Variants in RABGAP1L observed in about 807,000 individuals in gnomAD.
RABGAP1L encodes RAB GTPase activating protein 1 like.
Under a neutral mutation model 137.7 loss-of-function variants are expected in RABGAP1L, and 63 were observed. The ratio of observed to expected loss-of-function variants is 0.46; its 90% confidence interval spans 0.37 to 0.56. The LOEUF (loss-of-function observed/expected upper bound fraction) is 0.56. RABGAP1L is among the 20% of genes least tolerant of loss of function. RABGAP1L has a pLI of 0.00. For synonymous variants in RABGAP1L, 431 were observed against 433.7 expected, an observed-to-expected ratio of 0.99 and a Z score of 0.08; for missense variants, 1,095 against 1,244.0, an observed-to-expected ratio of 0.88 and a Z score of 1.80.
chr1:174,533,004 G>T (rs1664563366), intron 13 of RABGAP1L, among the ~76,000 whole-genome samples: 1 of 152,224 alleles, frequency 6.6e-6, no homozygotes, highest in Non-Finnish European at 1.5e-5. Context: ...GGAGGCCGAG[G>T]TGGGTGGGTC....
chr1:174,815,376 G>GT (rs1690290342), intron 19 of RABGAP1L, among the ~76,000 whole-genome samples: 1 of 152,198 alleles, frequency 6.6e-6, no homozygotes, highest in South Asian at 2.1e-4. Flanking sequence ...AGGCAAGAAA[G>GT]TTTAACTCCT....
chr1:174,255,255 G>A (rs116636587), intron 7 of RABGAP1L, among the ~76,000 whole-genome samples: 4,651 of 152,124 alleles, frequency 0.031, 78 homozygotes, highest in Middle Eastern at 0.058. Context: ...TGAAGATATC[G>A]TATTTTTGAT....
chr1:174,376,138 AAGAG>A (rs1397880265), intron 12 of RABGAP1L, among the ~76,000 whole-genome samples: 3 of 151,230 alleles, frequency 2.0e-5, no homozygotes, highest in African/African-American at 4.9e-5. Flanking sequence ...GAGATAGAGA[AAGAG>A]AGAAGGAAGG....
chr1:174,354,223 T>C (rs1345116710), intron 11 of RABGAP1L, among the ~76,000 whole-genome samples: 1 of 151,806 alleles, frequency 6.6e-6, no homozygotes, highest in South Asian at 2.1e-4. Context: ...TTTCTTCTCT[T>C]CCACCACTTT....
intron 13 of RABGAP1L, among the ~76,000 whole-genome samples, chr1:174,475,772 TAA>T (rs61597461): frequency 0.028 from 1,954 of 69,892 alleles, 75 homozygotes; most frequent in African/African-American, 0.1. Context: ...CCCCGTGTCT[TAA>T]AAAAAAAAAA....
chr1:174,856,572 T>C (rs1200890554), intron 19 of RABGAP1L, among the ~76,000 whole-genome samples: 1 of 152,016 alleles, frequency 6.6e-6, no homozygotes, highest in Admixed American at 6.6e-5. Context: ...CATCCAAAGG[T>C]CAACCACTGT....
chr1:174,681,438 C>G (rs1678061839), intron 14 of RABGAP1L, among the ~76,000 whole-genome samples: 1 of 152,164 alleles, frequency 6.6e-6, no homozygotes, highest in South Asian at 2.1e-4. Flanking sequence ...GTAAAAGAAG[C>G]TAGACACAAA....
At chr1:174,711,108 G>C (rs899986511) in intron 17 of RABGAP1L, among the ~76,000 whole-genome samples, 2 of 152,152 alleles carry the variant, frequency 1.3e-5, no homozygotes, top group African/African-American at 4.8e-5. Flanking sequence ...GTCTGGGGCC[G>C]GCAGGGCCAG....
intron 13 of RABGAP1L, among the ~76,000 whole-genome samples, chr1:174,426,301 T>C (rs1176541142): frequency 6.6e-6 from 1 of 152,076 alleles, no homozygotes; most frequent in Non-Finnish European, 1.5e-5. Context: ...TTACTATAAC[T>C]AGATTCTCTC....
rs180708821 is a variant in RABGAP1L, at chr1:174,837,076, G to A, written c.2340+25116G>A. Among the ~76,000 whole-genome samples, 27 of 152,218 alleles carry A rather than the reference G, an allele frequency of 1.8e-4. No individual in the cohort carries two copies. The East Asian group carries it at 4.8e-3, about 27-fold the overall frequency. On this transcript the variant is annotated intron_variant, in intron 19 of 25. Coordinates refer to ENST00000681986, the MANE Select transcript of RABGAP1L (RefSeq NM_001366446.1). ...ACAAAAATTAGCTGGGCGTGGTGGC[G>A]CATGCCTGTAATTCCAGTTACTTGG...
At chr1:174,626,449 G>A (rs1293384210) in intron 13 of RABGAP1L, among the ~76,000 whole-genome samples, 2 of 151,956 alleles carry the variant, frequency 1.3e-5, no homozygotes, top group African/African-American at 2.4e-5. Context: ...CTCTCTACAC[G>A]CCTCCCTTTA....
rs141520960 is a variant in RABGAP1L, at chr1:174,942,298, G to A, written c.2341-15159G>A. Reference sequence around the variant, plus strand: ...AAATCTGGCTCTAGATAATAAAGAAGGACAAATATTTAGGGCAGTTATTTC... The same window carrying A: ...AAATCTGGCTCTAGATAATAAAGAAAGACAAATATTTAGGGCAGTTATTTC... On this transcript the variant is annotated intron_variant, in intron 19 of 25. Coordinates refer to ENST00000681986, the MANE Select transcript of RABGAP1L (RefSeq NM_001366446.1). Among the ~76,000 whole-genome samples, 428 of 152,188 alleles carry A rather than the reference G, an allele frequency of 2.8e-3. 7 individuals are homozygous for A. Among genetic ancestry groups the A allele is most frequent in the Non-Finnish European group, 2.5e-3 (171 of 68,006 alleles).
At chr1:174,421,618 A>C (rs10912785) in intron 13 of RABGAP1L, among the ~76,000 whole-genome samples, 3 of 151,890 alleles carry the variant, frequency 2.0e-5, no homozygotes, top group Admixed American at 2.0e-4. Flanking sequence ...AACATTCTCT[A>C]TTTTGCCTTT....
Position 174,531,809 on chromosome 1 carries a change from A to G in RABGAP1L, c.1711-105566A>G, listed in dbSNP as rs1219288788. ...AGTAATTGTGGAACCCTAGGAATAA[A>G]TAAAAGATCTTACAAACTTCCAAAT... On this transcript the variant is annotated intron_variant, in intron 13 of 25. Coordinates refer to ENST00000681986, the MANE Select transcript of RABGAP1L (RefSeq NM_001366446.1). Among the ~76,000 whole-genome samples the G allele has an allele frequency of 3.3e-5, 5 of 152,168 alleles. No homozygotes were observed. The South Asian group carries it at 8.3e-4, about 25-fold the overall frequency.
At chr1:174,256,036 C>T (rs552135839) in intron 7 of RABGAP1L, among the ~76,000 whole-genome samples, 1 of 152,286 alleles carries the variant, frequency 6.6e-6, no homozygotes, top group East Asian at 1.9e-4. Flanking sequence ...ATCTAACCTG[C>T]CATTTGCCTT....
intron 13 of RABGAP1L, among the ~76,000 whole-genome samples, chr1:174,576,375 G>A (rs1668376127): frequency 1.3e-5 from 2 of 152,196 alleles, no homozygotes; most frequent in Middle Eastern, 6.8e-3. Flanking sequence ...TCTCCACAAG[G>A]GTCACATTCC....
At chr1:174,194,065 C>G (rs903376203) in intron 1 of RABGAP1L, among the ~76,000 whole-genome samples, 3 of 152,080 alleles carry the variant, frequency 2.0e-5, no homozygotes, top group African/African-American at 7.2e-5. Flanking sequence ...TGATTCAAAA[C>G]CAGGCATTCT....
chr1:174,978,784 AT>A, intron 22 of RABGAP1L, 22 bp from the exon 23 acceptor site: 1 of 1,517,078 alleles, frequency 6.6e-7, no homozygotes, highest in Non-Finnish European at 8.8e-7. Flanking sequence ...AAATCCTGAT[AT>A]TTCTCATTCT....
At chr1:174,974,997 A>G (rs12073786) in intron 21 of RABGAP1L, among the ~76,000 whole-genome samples, 2,537 of 152,270 alleles carry the variant, frequency 0.017, 51 homozygotes, top group African/African-American at 0.058. Flanking sequence ...TCTTCACATA[A>G]TCACCTCTCC....
Sources: allele counts gnomAD v4.1 joint callset (sites outside exome capture counted in the v4.1 genomes callset), GRCh38; gene constraint gnomAD v4.1.1; transcripts MANE v1.5; gene names NCBI Gene and HGNC (gene_info 2026-07-23, HGNC 2026-07-21).